FOXP1: variants seen among roughly 807,000 people sequenced by gnomAD.
FOXP1 encodes the protein forkhead box protein P1.
FOXP1 carries 15 observed loss-of-function variants against 98.2 expected under a neutral mutation model. That is an observed-to-expected ratio of 0.15 (90% CI 0.10 to 0.24). The LOEUF (loss-of-function observed/expected upper bound fraction) is 0.24, where lower values mean the gene tolerates loss of function less well. FOXP1 is among the 10% of genes least tolerant of loss of function. The pLI is 1.00. For missense variants in FOXP1, 633 were observed against 848.5 expected, an observed-to-expected ratio of 0.75 and a Z score of 3.15; for synonymous variants, 371 against 314.5, an observed-to-expected ratio of 1.18 and a Z score of -1.90.
chr3:71,074,523 T>C (rs1258822981), intron 7 of FOXP1, among the ~76,000 whole-genome samples: 2 of 152,126 alleles, frequency 1.3e-5, no homozygotes, highest in Non-Finnish European at 2.9e-5. Context: ...TCACTGCACA[T>C]GGCCAGCTTA....
At chr3:71,582,046 T>C in intron 1 of FOXP1, 1 of 976,686 alleles carries the variant, frequency 1.0e-6, no homozygotes, top group African/African-American at 1.8e-5. Flanking sequence ...ATTTAGTCCT[T>C]ATTCTCACAG....
chr3:71,244,357 T>C (rs1401107574), intron 5 of FOXP1, among the ~76,000 whole-genome samples: 1 of 152,032 alleles, frequency 6.6e-6, no homozygotes, highest in Non-Finnish European at 1.5e-5. Context: ...CACTCATGCA[T>C]TAGGAAGACA....
intron 18 of FOXP1, chr3:70,971,660 C>A (rs1169265795): frequency 1.1e-5 from 2 of 182,650 alleles, no homozygotes; most frequent in African/African-American, 2.3e-5. Flanking sequence ...GAAATCTACC[C>A]CAATAGTATA....
chr3:71,221,053 G>A (rs1047485640), intron 5 of FOXP1, among the ~76,000 whole-genome samples: 2 of 152,052 alleles, frequency 1.3e-5, no homozygotes, highest in African/African-American at 4.8e-5. Flanking sequence ...TTAGAGCGGG[G>A]TCCCCAGCTC....
At chr3:70,972,444 C>G in intron 18 of FOXP1, 111 bp downstream of exon 18, 1 of 1,482,842 alleles carries the variant, frequency 6.7e-7, no homozygotes, top group Non-Finnish European at 9.4e-7. Context: ...TTAACTGAGA[C>G]AACGTGAAAC....
intron 10 of FOXP1, among the ~76,000 whole-genome samples, chr3:71,044,437 C>T (rs1256891631): frequency 6.6e-6 from 1 of 152,070 alleles, no homozygotes; most frequent in Non-Finnish European, 1.5e-5. Context: ...AGCAGATAGG[C>T]TAATTATGTA....
At chr3:71,255,906 G>A (rs1415982682) in intron 5 of FOXP1, among the ~76,000 whole-genome samples, 10 of 151,972 alleles carry the variant, frequency 6.6e-5, no homozygotes, top group African/African-American at 2.4e-4. Context: ...TATAAAGTAG[G>A]ATATAAAAGT....
chr3:71,394,830 G>A (rs2081265533), intron 3 of FOXP1, among the ~76,000 whole-genome samples: 1 of 152,108 alleles, frequency 6.6e-6, no homozygotes, highest in Non-Finnish European at 1.5e-5. Context: ...GCTGGGCGCG[G>A]TGGCTAACGC....
At chr3:71,335,551 T>C (rs1373713689) in intron 4 of FOXP1, among the ~76,000 whole-genome samples, 3 of 152,122 alleles carry the variant, frequency 2.0e-5, no homozygotes, top group Admixed American at 2.0e-4. Context: ...AGCCCTGTAA[T>C]CCTGATTATG....
At chr3:71,266,802 TGTAA>T (rs2069714234) in intron 5 of FOXP1, among the ~76,000 whole-genome samples, 1 of 152,210 alleles carries the variant, frequency 6.6e-6, no homozygotes, top group South Asian at 2.1e-4. Flanking sequence ...AGCTCCCACT[TGTAA>T]GTGAGAACAT....
At chr3:71,506,767 T>C (rs574204932) in intron 2 of FOXP1, among the ~76,000 whole-genome samples, 3 of 152,170 alleles carry the variant, frequency 2.0e-5, no homozygotes, top group Non-Finnish European at 2.9e-5. Flanking sequence ...CCATTACTAA[T>C]ATCCTAAGAC....
chr3:70,970,663 G>C, intron 19 of FOXP1, 73 bp downstream of exon 19: 1 of 1,171,564 alleles, frequency 8.5e-7, no homozygotes, highest in Non-Finnish European at 1.3e-6. Flanking sequence ...ATTAGAGCAA[G>C]GCTAATATAT....
At chr3:71,442,756 G>A (rs919720645) in intron 3 of FOXP1, among the ~76,000 whole-genome samples, 1 of 152,236 alleles carries the variant, frequency 6.6e-6, no homozygotes, top group Non-Finnish European at 1.5e-5. Flanking sequence ...CCAGGGAGAA[G>A]GGGATTGCAG....
intron 2 of FOXP1, among the ~76,000 whole-genome samples, chr3:71,577,650 G>A (rs1031181449): frequency 6.6e-6 from 1 of 151,944 alleles, no homozygotes; most frequent in African/African-American, 2.4e-5. Context: ...ATAGCAAAGT[G>A]GCCTGCAGAG....
At chr3:71,317,379 C>A (rs564149332) in intron 4 of FOXP1, among the ~76,000 whole-genome samples, 1 of 152,048 alleles carries the variant, frequency 6.6e-6, no homozygotes, top group Non-Finnish European at 1.5e-5. Flanking sequence ...TATCCACAAC[C>A]GCATATTAAA....
intron 7 of FOXP1, among the ~76,000 whole-genome samples, chr3:71,085,983 C>T (rs1576665406): frequency 6.6e-6 from 1 of 152,050 alleles, no homozygotes; most frequent in South Asian, 2.1e-4. Context: ...CCGCCTTGGC[C>T]TCCCAAAGTG....
chr3:71,013,273 T>C (rs1228275581), intron 12 of FOXP1, among the ~76,000 whole-genome samples: 2 of 152,208 alleles, frequency 1.3e-5, no homozygotes, highest in African/African-American at 4.8e-5. Context: ...ACCAAATTGG[T>C]AGCTTTCCTC....
At chr3:71,029,720 G>A (rs148745716) in intron 11 of FOXP1, among the ~76,000 whole-genome samples, 3 of 152,124 alleles carry the variant, frequency 2.0e-5, no homozygotes, top group East Asian at 3.9e-4. Flanking sequence ...CCTCTGTTAC[G>A]TTTTGCATAT....
chr3:71,431,576 C>CA (rs777817309), intron 3 of FOXP1, among the ~76,000 whole-genome samples: 1 of 152,180 alleles, frequency 6.6e-6, no homozygotes, highest in Non-Finnish European at 1.5e-5. Context: ...AGTGGCGAAG[C>CA]AGAGATTCAA....
Sources: gnomAD v4.1 joint callset for allele counts (sites outside exome capture counted in the v4.1 genomes callset) on GRCh38, gnomAD v4.1.1 for gene constraint, MANE v1.5 for transcripts, NCBI Gene and HGNC (gene_info 2026-07-23, HGNC 2026-07-21) for gene names.